The following PCNX4 variants were observed in gnomAD, a reference collection of about 807,000 sequenced individuals.
PCNX4 encodes pecanex-like protein 4.
PCNX4 carries 103 observed loss-of-function variants against 107.2 expected under a neutral mutation model. The ratio of observed to expected loss-of-function variants is 0.96; its 90% confidence interval spans 0.82 to 1.13. PCNX4 has a LOEUF of 1.13. Ranked by LOEUF, PCNX4 falls within the 50% of genes most tolerant of loss-of-function variation. The pLI, the probability that PCNX4 is intolerant of heterozygous loss-of-function variation, is 0.00. For missense variants in PCNX4, 1,528 were observed against 1,379.4 expected (o/e 1.11, Z -1.71); for synonymous variants, 541 against 481.7 (o/e 1.12, Z -1.61).
rs945181578 is a variant in PCNX4 at position 60,140,447 on chromosome 14, G to A, written c.*6226G>A. ...TCTTAAATTCTTACAAAGAGCAGTA[G>A]AAATGCAGGAACCCTCCCCAACTCA... On this transcript the variant is annotated 3_prime_UTR_variant, in exon 11 of 11. Coordinates refer to ENST00000406854, the MANE Select transcript of PCNX4 (RefSeq NM_001330177.2). This position sits in a 1 kb window ranked among gnomAD's most constrained non-coding sequence, Gnocchi z 4.2. 1.3e-5 allele frequency: 2 copies of A among 152,132 alleles called. No homozygotes were observed. The highest frequency in any genetic ancestry group is 1.5e-5 in the Non-Finnish European group (1 of 67,992). 9.4% of individuals were successfully genotyped at this position (152,132 alleles called of 1,614,324 possible).
Position 60,125,173 on chromosome 14 carries a change from GTGT to G in PCNX4, c.3004_3006del (p.Val1002del), listed in dbSNP as rs1392305465. ...GGTCATATATTGAGAGTTTACGGTG[GTGT>G]TTTGCCTTGGTCTGTTGCTTTGGAC... On this transcript the variant is annotated inframe_deletion, in exon 9 of 11. Coordinates refer to ENST00000406854, the MANE Select transcript of PCNX4 (RefSeq NM_001330177.2). 6.2e-7 allele frequency: 1 copy of G among 1,611,786 alleles called. No homozygotes were observed.
rs577700402 is a variant in PCNX4, at chr14:60,130,794, A to ATT, written c.3268-3165_3268-3164dup. 1.7e-4 allele frequency among the ~76,000 whole-genome samples: 25 copies of ATT among 146,516 alleles called. No individual in the cohort carries two copies. In the East Asian group the frequency reaches 2.4e-3, roughly 14 times the overall value. On this transcript the variant is annotated intron_variant, in intron 10 of 10. Transcript: ENST00000406854. The stretch of plus-strand genomic sequence containing the variant: ...ATCTACAGGAAGAAAGAGAAATAGC[A>ATT]TTTTTTTTTTTTAAGGTTAACATAA...
At chr14:60,119,576 TG>T (rs1232332676) in intron 7 of PCNX4, among the ~76,000 whole-genome samples, 2 of 152,092 alleles carry the variant, frequency 1.3e-5, no homozygotes, top group Admixed American at 1.3e-4. Context: ...ACAGATGTTT[TG>T]TGAATAGTCA....
intron 1 of PCNX4, among the ~76,000 whole-genome samples, chr14:60,092,842 C>T (rs904720656): frequency 2.6e-5 from 4 of 152,226 alleles, no homozygotes; most frequent in African/African-American, 9.6e-5. Flanking sequence ...GTCCCCACAA[C>T]CTCTTGTCTC....
intron 6 of PCNX4, among the ~76,000 whole-genome samples, chr14:60,117,438 GGTATGTAGTA>G (rs1011860155): frequency 4.6e-5 from 7 of 152,150 alleles, no homozygotes; most frequent in African/African-American, 1.7e-4. Flanking sequence ...ATATAGCCTA[GGTATGTAGTA>G]GGCTATACCA....
intron 1 of PCNX4, among the ~76,000 whole-genome samples, chr14:60,103,206 A>G (rs1895566076): frequency 6.6e-6 from 1 of 152,174 alleles, no homozygotes; most frequent in African/African-American, 2.4e-5. Flanking sequence ...TAAGATCCTG[A>G]TGGAAACCCA....
chr14:60,104,783 A>G (rs1474096454), intron 1 of PCNX4, among the ~76,000 whole-genome samples: 1 of 152,152 alleles, frequency 6.6e-6, no homozygotes, highest in Non-Finnish European at 1.5e-5. Context: ...TGATTCAATT[A>G]TCTCCCACCA....
At chr14:60,098,194 C>T (rs1397015665) in intron 1 of PCNX4, among the ~76,000 whole-genome samples, 2 of 152,126 alleles carry the variant, frequency 1.3e-5, no homozygotes, top group African/African-American at 4.8e-5. Context: ...GGAGAGATGT[C>T]AGCCCCAAGA....
rs1416211651 is a variant in PCNX4 at position 60,141,202 on chromosome 14, G to A, written c.*6981G>A. On this transcript the variant is annotated 3_prime_UTR_variant, in exon 11 of 11. Coordinates refer to ENST00000406854, the MANE Select transcript of PCNX4 (RefSeq NM_001330177.2). Reference sequence around the variant, plus strand: ...AGATAGCATATTAGAAATGAGGAAAGGTCTCAGCACAATAACCTAAGTTCC... The same window carrying A: ...AGATAGCATATTAGAAATGAGGAAAAGTCTCAGCACAATAACCTAAGTTCC... 1 of 152,130 alleles carries A rather than the reference G, an allele frequency of 6.6e-6. No individual in the cohort carries two copies. Among genetic ancestry groups the A allele is most frequent in the South Asian group, 2.1e-4 (1 of 4,828 alleles). The allele number at this position is 152,130 out of a possible 1,614,324, so 9.4% of individuals were successfully genotyped here.
chr14:60,116,375 G>T (rs1895849040), intron 6 of PCNX4, among the ~76,000 whole-genome samples: 1 of 152,102 alleles, frequency 6.6e-6, no homozygotes, highest in South Asian at 2.1e-4. Flanking sequence ...TGTTTTCAAG[G>T]TTCATTCATG....
chr14:60,118,213 T>G (rs1331941573), intron 6 of PCNX4, 116 bp from the exon 7 acceptor site: 21 of 1,311,732 alleles, frequency 1.6e-5, no homozygotes, highest in Non-Finnish European at 2.1e-5. Flanking sequence ...TAAGATTTAT[T>G]TCTTCAAAAA....
intron 2 of PCNX4, chr14:60,109,428 T>C (rs940516415): frequency 6.0e-6 from 1 of 167,226 alleles, no homozygotes; most frequent in Non-Finnish European, 1.5e-5. Flanking sequence ...AAAGAGGTTT[T>C]TTTGTTTGTT....
At position 60,092,228 on chromosome 14, in the gene PCNX4, A is replaced by G. The variant is rs1895311949; in HGVS notation, c.-245A>G. The G allele has an allele frequency of 6.6e-6, 1 of 152,252 alleles. No individual in the cohort carries two copies. Among genetic ancestry groups the G allele is most frequent in the South Asian group, 2.1e-4 (1 of 4,836 alleles). The allele number at this position is 152,252 out of a possible 1,614,324, so 9.4% of individuals were successfully genotyped here. A position where few individuals can be genotyped will look rare whatever the true frequency, so the allele number is the denominator to read the frequency against. ...CTCCGGGTGGCGGCCGCCGGAGTAG[A>G]CGTTAGCCATGGAAACCGAGAGCTG... On this transcript the variant is annotated 5_prime_UTR_variant, in exon 1 of 11. Coordinates refer to ENST00000406854, the MANE Select transcript of PCNX4 (RefSeq NM_001330177.2).
At chr14:60,133,844 T>G (rs1896198395) in intron 10 of PCNX4, 126 bp from the exon 11 acceptor site, 2 of 930,800 alleles carry the variant, frequency 2.1e-6, no homozygotes, top group Non-Finnish European at 3.2e-6. Flanking sequence ...TACTTTCTGT[T>G]TTTTGAACTT....
intron 1 of PCNX4, among the ~76,000 whole-genome samples, chr14:60,094,653 T>C (rs995566351): frequency 2.6e-5 from 4 of 151,076 alleles, no homozygotes; most frequent in Non-Finnish European, 2.9e-5. Flanking sequence ...CCCAGACCCC[T>C]CCTGCCCATA....
chr14:60,098,598 A>T (rs1226190845), intron 1 of PCNX4, among the ~76,000 whole-genome samples: 2 of 152,154 alleles, frequency 1.3e-5, no homozygotes, highest in Non-Finnish European at 2.9e-5. Context: ...GGTGCTTACC[A>T]TATAACTTGT....
intron 10 of PCNX4, among the ~76,000 whole-genome samples, chr14:60,130,217 G>A (rs1305079427): frequency 6.6e-6 from 1 of 151,658 alleles, no homozygotes; most frequent in Non-Finnish European, 1.5e-5. Context: ...GTATGTTCCT[G>A]TAGTCCCAGC....
intron 1 of PCNX4, among the ~76,000 whole-genome samples, chr14:60,096,537 C>T (rs1042533359): frequency 6.6e-6 from 1 of 152,188 alleles, no homozygotes; most frequent in Non-Finnish European, 1.5e-5. Context: ...TGTGCCCAGG[C>T]ATAACATAGG....
At chr14:60,108,449 G>T in intron 2 of PCNX4, 122 bp downstream of exon 2, 1 of 679,930 alleles carries the variant, frequency 1.5e-6, no homozygotes, top group Non-Finnish European at 2.4e-6. Flanking sequence ...ACCATTGGGT[G>T]ACAGGTTATT....
Sources: gnomAD v4.1 joint callset for allele counts (sites outside exome capture counted in the v4.1 genomes callset) on GRCh38, gnomAD v4.1.1 for gene constraint, Gnocchi (gnomAD v3.1) non-coding constraint, MANE v1.5 for transcripts, NCBI Gene and HGNC (gene_info 2026-07-23, HGNC 2026-07-21) for gene names.